The following PHF14 variants were observed in gnomAD, a reference collection of about 807,000 sequenced individuals.
PHF14 encodes PHD finger protein 14.
In PHF14, 55 loss-of-function variants were observed where a neutral mutation model predicts 117.9. The ratio of observed to expected loss-of-function variants is 0.47; its 90% CI spans 0.38 to 0.58. The LOEUF is 0.58. PHF14 is among the 20% of genes least tolerant of loss of function. PHF14 has a pLI of 0.00. For missense variants in PHF14, 978 were observed against 1,122.2 expected (o/e 0.87, Z 1.84); for synonymous variants, 409 against 368.6 (o/e 1.11, Z -1.26).
intron 17 of PHF14, among the ~76,000 whole-genome samples, chr7:11,162,214 A>G (rs1789066012): frequency 6.8e-6 from 1 of 147,956 alleles, no homozygotes; most frequent in South Asian, 2.1e-4. Context: ...TCAGCCTCCC[A>G]AGTAGCTGGG....
At chr7:11,060,181 A>G (rs1785170349) in intron 14 of PHF14, among the ~76,000 whole-genome samples, 1 of 152,174 alleles carries the variant, frequency 6.6e-6, no homozygotes, top group South Asian at 2.1e-4. Flanking sequence ...CTGGCCTGTC[A>G]GTCAGATCTT....
At chr7:11,108,192 C>T (rs1159851758) in intron 16 of PHF14, 1 of 151,672 alleles carries the variant, frequency 6.6e-6, no homozygotes, top group African/African-American at 2.4e-5. Flanking sequence ...CTGTGATTAG[C>T]ACATAGAGCT....
intron 17 of PHF14, among the ~76,000 whole-genome samples, chr7:11,122,226 A>G (rs1397115631): frequency 6.7e-6 from 1 of 149,832 alleles, no homozygotes; most frequent in Non-Finnish European, 1.5e-5. Context: ...GTTCCATGGT[A>G]TTCTGGAACT....
intron 14 of PHF14, 46 bp downstream of exon 14, chr7:11,051,826 C>G (rs1784859166): frequency 2.0e-6 from 3 of 1,516,388 alleles, no homozygotes; most frequent in Non-Finnish European, 2.7e-6. Flanking sequence ...ATTCTGAGGC[C>G]AAAATTTAAG....
At chr7:11,143,116 T>A in intron 17 of PHF14, among the ~76,000 whole-genome samples, 1 of 152,184 alleles carries the variant, frequency 6.6e-6, no homozygotes, top group East Asian at 1.9e-4. Flanking sequence ...GAATTTGGCT[T>A]GATAATTGGC....
chr7:11,121,658 C>T (rs1312810499), intron 17 of PHF14, among the ~76,000 whole-genome samples: 1 of 152,026 alleles, frequency 6.6e-6, no homozygotes, highest in Non-Finnish European at 1.5e-5. Flanking sequence ...GACACAAGCC[C>T]TGCAGTACTG....
intron 4 of PHF14, among the ~76,000 whole-genome samples, chr7:10,991,092 G>C (rs990622055): frequency 6.6e-6 from 1 of 151,814 alleles, no homozygotes; most frequent in Non-Finnish European, 1.5e-5. Flanking sequence ...CCAGGTTCAA[G>C]CGATTCTGCT....
intron 4 of PHF14, among the ~76,000 whole-genome samples, chr7:11,009,380 C>A (rs1205514226): frequency 6.6e-6 from 1 of 152,050 alleles, no homozygotes. Flanking sequence ...TTTTTATTTT[C>A]TTAAATATGA....
Position 11,061,768 on chromosome 7 carries a change from T to G in PHF14, c.2482-23T>G, listed in dbSNP as rs761781299. On this transcript the variant is annotated intron_variant, in intron 14 of 17. Transcript: ENST00000634607. ...ATATACTGTGGATTTTTGTTTTTTG[T>G]TTTTTTTTTTGTTTTTTTCCAGAGA... The G allele has an allele frequency of 1.1e-4, 105 of 999,130 alleles. No homozygotes were observed. Among genetic ancestry groups the G allele is most frequent in the Middle Eastern group, 3.3e-4 (1 of 3,032 alleles). The allele number at this position is 999,130 out of a possible 1,614,324, so 61.9% of individuals were successfully genotyped here.
In PHF14 at chr7:11,165,253, T is replaced by C. The variant is rs549449711; in HGVS notation, c.2773-4163T>C. Among the ~76,000 whole-genome samples the C allele has an allele frequency of 8.2e-4, 124 of 151,960 alleles. 1 individual carries two copies. Among genetic ancestry groups the C allele is most frequent in the African/African-American group, 3.0e-3 (122 of 41,272 alleles). On this transcript the variant is annotated intron_variant, in intron 17 of 17. Transcript: ENST00000634607. ...TGACATTTTGAAGACTACTGTTTAA[T>C]TATATTGTAGAGGGTTTATCTGATG... is the stretch of plus-strand genomic sequence containing the variant.
rs565333765 is a variant in PHF14 at position 11,042,131 on chromosome 7, T to G, written c.2181-552T>G. Among the ~76,000 whole-genome samples, 319 of 152,092 alleles carry G rather than the reference T, an allele frequency of 2.1e-3. 2 individuals are homozygous for G. The highest frequency in any genetic ancestry group is 7.4e-3 in the African/African-American group (306 of 41,552). On this transcript the variant is annotated intron_variant, in intron 12 of 17. Coordinates refer to ENST00000634607, the MANE Select transcript of PHF14 (RefSeq NM_001007157.2). ...TGTGCGTTTTTAATTTTTTTACTTT[T>G]GAATTTAATTAGTATATTTTTAAAA...
At chr7:11,002,982 C>T (rs957730427) in intron 4 of PHF14, among the ~76,000 whole-genome samples, 25 of 151,588 alleles carry the variant, frequency 1.6e-4, no homozygotes, top group African/African-American at 5.8e-4. Flanking sequence ...GAGTCTCGCT[C>T]TGTCACCAGG....
intron 17 of PHF14, among the ~76,000 whole-genome samples, chr7:11,153,342 G>A (rs1788752776): frequency 6.6e-6 from 1 of 152,126 alleles, no homozygotes; most frequent in Non-Finnish European, 1.5e-5. Flanking sequence ...CCTAGAGTTT[G>A]TGTTTGAACA....
At position 11,063,362 on chromosome 7, in the gene PHF14, G is replaced by A. The variant is rs561197612; in HGVS notation, c.2654+1277G>A. 6.7e-5 allele frequency: 66 copies of A among 983,600 alleles called. 1 individual carries two copies. The highest frequency in any genetic ancestry group is 5.2e-4 in the Middle Eastern group (1 of 1,912). The allele number at this position is 983,600 out of a possible 1,614,324, so 60.9% of individuals were successfully genotyped here. On this transcript the variant is annotated intron_variant, in intron 16 of 17. Transcript: ENST00000634607. ...CACAGTATAAATTTTGCAATATGTC[G>A]AAAATGAAATCCCAAGCATAAGCGT...
At chr7:11,014,744 C>T (rs948294545) in intron 5 of PHF14, among the ~76,000 whole-genome samples, 1 of 152,236 alleles carries the variant, frequency 6.6e-6, no homozygotes, top group East Asian at 1.9e-4. Flanking sequence ...AAATTCTGTC[C>T]ATTATTGCAG....
chr7:11,155,116 TGG>T (rs1788805534), intron 17 of PHF14, among the ~76,000 whole-genome samples: 1 of 152,330 alleles, frequency 6.6e-6, no homozygotes, highest in African/African-American at 2.4e-5. Context: ...GTGCTTTCTG[TGG>T]GCCAGGATTT....
chr7:11,138,845 T>A (rs1268233800), intron 17 of PHF14, among the ~76,000 whole-genome samples: 1 of 152,008 alleles, frequency 6.6e-6, no homozygotes, highest in Non-Finnish European at 1.5e-5. Flanking sequence ...TCACTGTCGT[T>A]TGCTTCATTG....
chr7:11,025,559 C>T (rs1002234786), intron 6 of PHF14, among the ~76,000 whole-genome samples: 2 of 152,034 alleles, frequency 1.3e-5, no homozygotes, highest in African/African-American at 2.4e-5. Context: ...TTTGGGAGGC[C>T]GAGGTGGGTG....
chr7:11,092,756 C>G (rs2128339184), intron 16 of PHF14, among the ~76,000 whole-genome samples: 1 of 152,252 alleles, frequency 6.6e-6, no homozygotes, highest in African/African-American at 2.4e-5. Flanking sequence ...TCTTTACTCG[C>G]TGAACCTGAT....
Sources: gnomAD v4.1 joint callset for allele counts (sites outside exome capture counted in the v4.1 genomes callset) on GRCh38, gnomAD v4.1.1 for gene constraint, MANE v1.5 for transcripts, NCBI Gene and HGNC (gene_info 2026-07-23, HGNC 2026-07-21) for gene names.